SDK2: variants seen among roughly 807,000 people sequenced by gnomAD.
SDK2 encodes the protein sidekick cell adhesion molecule 2, also known as protein sidekick-2.
A neutral mutation model predicts 253.9 loss-of-function variants in SDK2; 105 were observed. That is an observed-to-expected ratio of 0.41 (90% CI 0.35 to 0.49). The LOEUF is 0.49. Among genes scored for constraint, SDK2 ranks in the 20% least tolerant of loss-of-function variants. The pLI, the probability that SDK2 is intolerant of heterozygous loss-of-function variation, is 0.06. For synonymous variants in SDK2, 1,249 were observed against 1,234.9 expected (o/e 1.01, Z -0.24); for missense variants, 2,608 against 3,003.0 (o/e 0.87, Z 3.07).
In SDK2 at chr17:73,570,288, G is replaced by A. The variant is rs7211568; in HGVS notation, c.65-62691C>T. Among the ~76,000 whole-genome samples, 22,947 of 151,854 alleles carry A rather than the reference G, an allele frequency of 0.15. 1,833 individuals are homozygous for A. The highest frequency in any genetic ancestry group is 0.2 in the South Asian group (947 of 4,796). The stretch of plus-strand genomic sequence containing the variant: ...CCACCCCATAGGAGTGGTAGACCCC[G>A]TCTACACCGGGTCCAGAAACCACAC... On this transcript the variant is annotated intron_variant, in intron 1 of 44. Transcript: ENST00000392650. This position sits in a 1 kb window ranked among gnomAD's most constrained non-coding sequence, Gnocchi z 4.2.
chr17:73,580,802 G>A (rs9914897), intron 1 of SDK2, among the ~76,000 whole-genome samples: 2 of 152,176 alleles, frequency 1.3e-5, no homozygotes, highest in Non-Finnish European at 2.9e-5. Context: ...AAATATTTGC[G>A]TTATATACTT....
Position 73,379,600 on chromosome 17 carries a change from T to C in SDK2, c.4763-51A>G. 8.7e-7 allele frequency: 1 copy of C among 1,148,842 alleles called. No homozygotes were observed. The highest frequency in any genetic ancestry group is 2.0e-5 in the Admixed American group (1 of 50,944). 71.2% of individuals were successfully genotyped at this position (1,148,842 alleles called of 1,614,324 possible). A position where few individuals can be genotyped will look rare whatever the true frequency, so the allele number is the denominator to read the frequency against. On this transcript the variant is annotated intron_variant, in intron 34 of 44. Transcript: ENST00000392650. The surrounding 1 kb of genome is among the most constrained non-coding windows in gnomAD (Gnocchi z 4.5). ...AGCACACTGAGGTCACCGTCATTGC[T>C]GGGAAGGTGTCCCCAGGGAGGGTGG... is the stretch of plus-strand genomic sequence containing the variant.
chr17:73,408,655 C>T (rs2063100919), intron 18 of SDK2, among the ~76,000 whole-genome samples: 1 of 152,104 alleles, frequency 6.6e-6, no homozygotes. Context: ...TCAGCGAAAT[C>T]CAGACTGTGG....
chr17:73,593,049 G>A (rs1447624817), intron 1 of SDK2, among the ~76,000 whole-genome samples: 1 of 151,612 alleles, frequency 6.6e-6, no homozygotes, highest in African/African-American at 2.4e-5. Flanking sequence ...TCGAGGCCCA[G>A]GGAGGGTTGG....
chr17:73,345,478 T>C lies in SDK2; in HGVS notation c.6165+3121A>G, dbSNP rs370551379. Among the ~76,000 whole-genome samples the C allele has an allele frequency of 1.2e-3, 180 of 152,322 alleles. 1 individual carries two copies. Among genetic ancestry groups the C allele is most frequent in the African/African-American group, 3.7e-3 (153 of 41,564 alleles). On this transcript the variant is annotated intron_variant, in intron 44 of 44. Transcript: ENST00000392650. The stretch of plus-strand genomic sequence containing the variant: ...TAACATATTATAACGCAACATTCAT[T>C]AGAGTCTGTCTTGCCCACTACTGTA...
intron 18 of SDK2, among the ~76,000 whole-genome samples, chr17:73,408,750 G>T (rs1166605350): frequency 6.6e-6 from 1 of 152,184 alleles, no homozygotes; most frequent in East Asian, 1.9e-4. Context: ...GAGAGAGAAA[G>T]AATCTATAGA....
rs367990702 is a variant in SDK2, at chr17:73,465,291, C to A, written c.331+6821G>T. On this transcript the variant is annotated intron_variant, in intron 3 of 44. Transcript: ENST00000392650. This position sits in a 1 kb window ranked among gnomAD's most constrained non-coding sequence, Gnocchi z 4.2. The stretch of plus-strand genomic sequence containing the variant: ...CCAGCCTCCCAGGATGGGGCAGGCG[C>A]TCTGCCCTGCTGTGGGTGGGTGGGT... Among the ~76,000 whole-genome samples the A allele has an allele frequency of 1.5e-5, 2 of 134,694 alleles. No homozygotes were observed. Among genetic ancestry groups the A allele is most frequent in the Non-Finnish European group, 3.3e-5 (2 of 61,260 alleles). The allele number at this position is 134,694 out of a possible 152,430, so 88.4% of individuals were successfully genotyped here.
At chr17:73,527,684 C>T (rs945236309) in intron 1 of SDK2, among the ~76,000 whole-genome samples, 1 of 152,192 alleles carries the variant, frequency 6.6e-6, no homozygotes, top group African/African-American at 2.4e-5. Flanking sequence ...CCTGGCAGTG[C>T]AGAGGAGCGT....
chr17:73,351,821 G>T (rs932839944), intron 41 of SDK2, among the ~76,000 whole-genome samples: 6 of 152,116 alleles, frequency 3.9e-5, no homozygotes, highest in African/African-American at 1.2e-4. Flanking sequence ...TGTGGGTAAA[G>T]GAGAAGATTT....
chr17:73,515,993 G>C (rs2064023551), intron 1 of SDK2, among the ~76,000 whole-genome samples: 1 of 152,164 alleles, frequency 6.6e-6, no homozygotes, highest in Non-Finnish European at 1.5e-5. Context: ...GACCACATAG[G>C]AAGGAGATGG....
intron 1 of SDK2, among the ~76,000 whole-genome samples, chr17:73,588,220 T>G (rs1441058820): frequency 1.1e-4 from 13 of 121,784 alleles, no homozygotes; most frequent in African/African-American, 4.2e-4. Context: ...CCCCGCCATC[T>G]CTACTAAAAA....
At chr17:73,420,234 G>A (rs1463154352) in intron 15 of SDK2, among the ~76,000 whole-genome samples, 2 of 152,252 alleles carry the variant, frequency 1.3e-5, no homozygotes, top group African/African-American at 2.4e-5. Flanking sequence ...TCACGGACAC[G>A]TGTCCACTCC....
chr17:73,619,742 A>G (rs1360060742), intron 1 of SDK2, among the ~76,000 whole-genome samples: 2 of 152,212 alleles, frequency 1.3e-5, no homozygotes, highest in Non-Finnish European at 2.9e-5. Context: ...CATCAAAATT[A>G]AAATCTTTTG....
intron 8 of SDK2, among the ~76,000 whole-genome samples, chr17:73,436,194 T>G (rs1055288569): frequency 1.3e-5 from 2 of 152,290 alleles, no homozygotes; most frequent in South Asian, 4.1e-4. Context: ...GGGGGGCACT[T>G]GGAAGCCCCC....
intron 38 of SDK2, among the ~76,000 whole-genome samples, chr17:73,362,615 T>C (rs182881774): frequency 1.3e-5 from 2 of 152,050 alleles, no homozygotes; most frequent in Middle Eastern, 3.4e-3. Context: ...GGTCGCGAAC[T>C]CCTGGCCTCA....
intron 1 of SDK2, among the ~76,000 whole-genome samples, chr17:73,595,294 A>G (rs1224830570): frequency 6.6e-6 from 1 of 152,168 alleles, no homozygotes; most frequent in Non-Finnish European, 1.5e-5. Flanking sequence ...TCGGAGAGAC[A>G]GAGAAATAGA....
intron 1 of SDK2, among the ~76,000 whole-genome samples, chr17:73,591,440 G>A (rs1414285415): frequency 6.6e-6 from 1 of 152,134 alleles, no homozygotes; most frequent in Non-Finnish European, 1.5e-5. Flanking sequence ...ACTCTTCCGG[G>A]ACGCCACAGT....
intron 21 of SDK2, among the ~76,000 whole-genome samples, chr17:73,400,178 A>G (rs1289044209): frequency 6.6e-6 from 1 of 152,194 alleles, no homozygotes; most frequent in Non-Finnish European, 1.5e-5. Context: ...CCAACTTCCC[A>G]TATATACAGA....
intron 2 of SDK2, among the ~76,000 whole-genome samples, chr17:73,505,454 A>G (rs540893064): frequency 6.6e-6 from 1 of 151,372 alleles, no homozygotes; most frequent in Admixed American, 6.6e-5. Context: ...TTCATTGTCT[A>G]TGATTGCTAT....
Sources: allele counts gnomAD v4.1 joint callset (sites outside exome capture counted in the v4.1 genomes callset), GRCh38; gene constraint gnomAD v4.1.1; non-coding constraint Gnocchi (gnomAD v3.1); transcripts MANE v1.5; gene names NCBI Gene and HGNC (gene_info 2026-07-23, HGNC 2026-07-21).